The following MTCL1 variants were observed in gnomAD, a reference collection of about 807,000 sequenced individuals.
MTCL1 encodes the protein microtubule cross-linking factor 1.
In MTCL1, 79 loss-of-function variants were observed where a neutral mutation model predicts 141.4. The observed-to-expected ratio is 0.56, with a 90% CI of 0.47 to 0.67. The LOEUF is 0.67. Among genes scored for constraint, MTCL1 ranks in the 30% least tolerant of loss-of-function variants. The pLI, the probability that MTCL1 is intolerant of heterozygous loss-of-function variation, is 0.00. For synonymous variants in MTCL1, 914 were observed against 875.8 expected, an observed-to-expected ratio of 1.04 and a Z score of -0.77; for missense variants, 2,177 against 2,113.9, an observed-to-expected ratio of 1.03 and a Z score of -0.59.
intron 4 of MTCL1, among the ~76,000 whole-genome samples, chr18:8,768,737 G>A (rs2096470869): frequency 6.7e-6 from 1 of 150,246 alleles, no homozygotes; most frequent in South Asian, 2.1e-4. Flanking sequence ...TGGACTGGTA[G>A]ATTTCCTTCC....
At chr18:8,721,591 T>C (rs2096173101) in intron 4 of MTCL1, among the ~76,000 whole-genome samples, 2 of 152,108 alleles carry the variant, frequency 1.3e-5, no homozygotes, top group Non-Finnish European at 2.9e-5. Context: ...CACCTGTGGC[T>C]CATTCCCTTA....
At chr18:8,813,813 C>T (rs1244424112) in intron 12 of MTCL1, among the ~76,000 whole-genome samples, 1 of 152,134 alleles carries the variant, frequency 6.6e-6, no homozygotes, top group Non-Finnish European at 1.5e-5. Flanking sequence ...AATTCAGAAA[C>T]TCAGATGAAT....
exon 15 of MTCL1, chr18:8,824,719 T>A: frequency 6.2e-7 from 1 of 1,613,180 alleles, no homozygotes; most frequent in Non-Finnish European, 8.5e-7. Flanking sequence ...GTGTCCTCCA[T>A]GTCTGAGTTC....
chr18:8,798,076 G>C, intron 9 of MTCL1, 21 bp from the exon 9 acceptor site: 1 of 1,554,968 alleles, frequency 6.4e-7, no homozygotes, highest in Admixed American at 2.2e-5. Context: ...AGCTGTGATC[G>C]TCACCTCCTG....
chr18:8,816,056 G>A (rs3902213), intron 12 of MTCL1, among the ~76,000 whole-genome samples: 1 of 151,990 alleles, frequency 6.6e-6, no homozygotes, highest in Admixed American at 6.6e-5. Flanking sequence ...TGCCCCATCC[G>A]GAAATTGAGG....
intron 16 of MTCL1, chr18:8,829,176 A>G: frequency 1.0e-6 from 1 of 985,440 alleles, no homozygotes; most frequent in Non-Finnish European, 1.2e-6. Context: ...CTCAATGCAA[A>G]GAAGGGTTTT....
intron 4 of MTCL1, among the ~76,000 whole-genome samples, chr18:8,731,954 C>G (rs968163278): frequency 2.0e-5 from 3 of 152,148 alleles, no homozygotes; most frequent in African/African-American, 7.2e-5. Context: ...AGTGATCCAC[C>G]TGTCTCAGCC....
rs530239566 is a variant in MTCL1, at chr18:8,718,061, T to A, written c.-28+99T>A. On this transcript the variant is annotated intron_variant, in intron 2 of 16. Coordinates refer to ENST00000359865, the Ensembl canonical transcript of MTCL1. ...ATGATTCATCTTAGTACCTAGATTATGCCTTAGAGATAAAGGCTTAGGTCA... is the reference window on the plus strand; with the variant it reads ...ATGATTCATCTTAGTACCTAGATTAAGCCTTAGAGATAAAGGCTTAGGTCA... 8.0e-5 allele frequency: 64 copies of A among 803,522 alleles called. No individual in the cohort carries two copies. In the South Asian group the frequency reaches 2.0e-3, roughly 26 times the overall value. The allele number at this position is 803,522 out of a possible 1,614,324, so 49.8% of individuals were successfully genotyped here.
chr18:8,824,781 A>G, exon 15 of MTCL1: 1 of 1,614,144 alleles, frequency 6.2e-7, no homozygotes, highest in Non-Finnish European at 8.5e-7. Flanking sequence ...CCTGCCGTCC[A>G]CCAGCAGCAA....
chr18:8,706,043 G>A (rs1264734371), exon 1 of MTCL1: 1 of 1,184,378 alleles, frequency 8.4e-7, no homozygotes, highest in South Asian at 4.2e-5. Context: ...GCTGCCCTGG[G>A]AAGCAGGAGG....
At chr18:8,736,715 G>A (rs1375453957) in intron 4 of MTCL1, among the ~76,000 whole-genome samples, 2 of 146,730 alleles carry the variant, frequency 1.4e-5, no homozygotes, top group African/African-American at 5.1e-5. Context: ...TTGGCTCACT[G>A]CAAGCTCTGC....
At chr18:8,826,294 G>C (rs1246700948) in intron 15 of MTCL1, 62 bp downstream of exon 14, 1 of 1,407,296 alleles carries the variant, frequency 7.1e-7, no homozygotes, top group Non-Finnish European at 9.5e-7. Context: ...CTGTGGGGCA[G>C]GTTGGGACTT....
chr18:8,782,105 C>A (rs193260788), intron 5 of MTCL1: 1 of 152,270 alleles, frequency 6.6e-6, no homozygotes, highest in African/African-American at 2.4e-5. Flanking sequence ...GAGTGTGCGA[C>A]CAGACTGCGG....
At chr18:8,715,884 G>T (rs55939884), upstream of MTCL1, among the ~76,000 whole-genome samples, 6,317 of 152,228 alleles carry the variant, frequency 0.041, 167 homozygotes, top group South Asian at 0.079. Flanking sequence ...TTTGCAGAAG[G>T]TTGTCAAGCA....
chr18:8,820,397 A>G (rs1844717561), intron 13 of MTCL1, among the ~76,000 whole-genome samples: 2 of 152,062 alleles, frequency 1.3e-5, no homozygotes, highest in African/African-American at 4.8e-5. Context: ...GCGACAGAGC[A>G]AGACTCCATC....
At chr18:8,783,477 G>A (rs907401932) in intron 5 of MTCL1, 53 bp from the exon 5 acceptor site, 23 of 1,475,018 alleles carry the variant, frequency 1.6e-5, no homozygotes, top group African/African-American at 1.4e-4. Flanking sequence ...TGAAAAACAC[G>A]AACATTTGGT....
In MTCL1 at chr18:8,815,131, G is replaced by A. The variant is rs530745925; in HGVS notation, c.2859+1898G>A. Among the ~76,000 whole-genome samples, 449 of 152,244 alleles carry A rather than the reference G, an allele frequency of 2.9e-3. 2 individuals are homozygous for A. The highest frequency in any genetic ancestry group is 4.6e-3 in the Non-Finnish European group (314 of 68,026). On this transcript the variant is annotated intron_variant, in intron 12 of 16. Coordinates refer to ENST00000359865, the Ensembl canonical transcript of MTCL1. ...GCCATCCCATTACTGGGTATATACC[G>A]AAAGGATTATAAATCATGCTGCTAT...
upstream of MTCL1, among the ~76,000 whole-genome samples, chr18:8,713,098 C>G (rs1598358441): frequency 6.6e-6 from 1 of 152,162 alleles, no homozygotes; most frequent in Non-Finnish European, 1.5e-5. Context: ...TTGGTTTACT[C>G]TAGTGCACAC....
intron 1 of MTCL1, among the ~76,000 whole-genome samples, chr18:8,710,457 C>CTTTTTTTTT (rs59830434): frequency 8.2e-6 from 1 of 121,818 alleles, no homozygotes; most frequent in African/African-American, 3.2e-5. Context: ...CAGGCACTTT[C>CTTTTTTTTT]TTTTTTTTTT....
Sources: gnomAD v4.1 joint callset for allele counts (sites outside exome capture counted in the v4.1 genomes callset) on GRCh38, gnomAD v4.1.1 for gene constraint, MANE v1.5 for transcripts, NCBI Gene and HGNC (gene_info 2026-07-23, HGNC 2026-07-21) for gene names.